Variants in COL12A1 observed in about 807,000 individuals in gnomAD.
COL12A1 encodes collagen alpha-1(XII) chain.
In COL12A1, 114 loss-of-function variants were observed where a neutral mutation model predicts 349.7. That is an observed-to-expected ratio of 0.33 (90% confidence interval 0.28 to 0.38). The LOEUF (loss-of-function observed/expected upper bound fraction) is 0.38, where lower values mean the gene tolerates loss of function less well. Among genes scored for constraint, COL12A1 ranks in the 10% least tolerant of loss-of-function variants. The probability of loss-of-function intolerance (pLI) is 1.00; values close to 1 mark genes in which losing one functional copy is unlikely to be tolerated. For missense variants in COL12A1, 3,284 were observed against 3,756.9 expected (o/e 0.87, Z 3.29); for synonymous variants, 1,369 against 1,329.0 (o/e 1.03, Z -0.66).
chr6:75,188,146 T>G (rs144162260), intron 8 of COL12A1, among the ~76,000 whole-genome samples: 230 of 152,212 alleles, frequency 1.5e-3, no homozygotes, highest in African/African-American at 5.3e-3. Flanking sequence ...TTTTAAGAAC[T>G]GTGCAATGAT....
intron 63 of COL12A1, among the ~76,000 whole-genome samples, chr6:75,089,794 G>C (rs185898117): frequency 4.3e-4 from 65 of 152,270 alleles, no homozygotes; most frequent in African/African-American, 1.5e-3. Flanking sequence ...GTTGCTGCTC[G>C]ACTCTTGCCG....
intron 27 of COL12A1, among the ~76,000 whole-genome samples, chr6:75,139,489 T>A (rs1562204412): frequency 1.3e-5 from 2 of 152,240 alleles, no homozygotes. Flanking sequence ...AGGAAACAGT[T>A]TCATTTTTAT....
chr6:75,154,560 T>C (rs3756789), intron 16 of COL12A1, 23 bp from the exon 17 acceptor site: 6 of 1,583,224 alleles, frequency 3.8e-6, no homozygotes, highest in Admixed American at 1.8e-5. Context: ...AGTATATATA[T>C]AGCCTGTGAG....
chr6:75,137,016 CA>C (rs2149393509), intron 31 of COL12A1, among the ~76,000 whole-genome samples: 1 of 152,160 alleles, frequency 6.6e-6, no homozygotes, highest in South Asian at 2.1e-4. Context: ...ATGCAAAAAA[CA>C]GGGGGAAATG....
Position 75,151,188 on chromosome 6 carries a change from A to G in COL12A1, c.4100T>C (p.Ile1367Thr). 3 of 1,613,398 alleles carry G rather than the reference A, an allele frequency of 1.9e-6. No homozygotes were observed. The highest frequency in any genetic ancestry group is 2.5e-6 in the Non-Finnish European group (3 of 1,179,554). Reference sequence around the variant, plus strand: ...CAAATTAATGGTGAGATCATCCACTATCCTGGAGAGTGACTCAAAATCTGC... The same window carrying G: ...CAAATTAATGGTGAGATCATCCACTGTCCTGGAGAGTGACTCAAAATCTGC... ...NVADFESLSRIVDDLTINLCN... is the reference protein window; with the variant it reads ...NVADFESLSRTVDDLTINLCN... Residue 1367 changes from isoleucine to threonine, a missense_variant, in exon 21 of 66, where the codon ATA (isoleucine) becomes ACA (threonine). Ile to Thr is a moderately conservative substitution (Grantham distance 89). Around this residue, in one of 2 missense-constraint regions of COL12A1, gnomAD observed 2,601 missense variants for 2,824.8 expected, o/e 0.92. Transcript: ENST00000322507.
chr6:75,123,295 T>A, intron 43 of COL12A1, 35 bp downstream of exon 43: 1 of 1,553,556 alleles, frequency 6.4e-7, no homozygotes, highest in Non-Finnish European at 8.9e-7. Context: ...TAACTCCCTA[T>A]CAGCTGAACG....
At chr6:75,122,093 G>A (rs139646401) in intron 43 of COL12A1, among the ~76,000 whole-genome samples, 238 of 152,096 alleles carry the variant, frequency 1.6e-3, no homozygotes, top group Non-Finnish European at 2.6e-3. Context: ...CACCTGTCCC[G>A]GCCTCCCAAA....
intron 21 of COL12A1, among the ~76,000 whole-genome samples, chr6:75,150,471 T>C (rs373129407): frequency 8.5e-5 from 13 of 152,198 alleles, no homozygotes; most frequent in African/African-American, 2.9e-4. Context: ...AAAGAGGTTA[T>C]ATAATTTCTA....
In COL12A1 at chr6:75,085,593, AAT is replaced by A. The variant is rs1767450795; in HGVS notation, c.*952_*953del. On this transcript the variant is annotated 3_prime_UTR_variant, in exon 66 of 66. Coordinates refer to ENST00000322507, the MANE Select transcript of COL12A1 (RefSeq NM_004370.6). ...CCTTCAAAAATCCAGCAGTAAACAC[AAT>A]CATTGCACAAATACTTGGGAAGGGT... The A allele has an allele frequency of 3.1e-6, 1 of 320,498 alleles. No individual in the cohort carries two copies. Among genetic ancestry groups the A allele is most frequent in the Non-Finnish European group, 6.3e-6 (1 of 158,834 alleles). The allele number at this position is 320,498 out of a possible 1,614,324, so 19.9% of individuals were successfully genotyped here. A position where few individuals can be genotyped will look rare whatever the true frequency, so the allele number is the denominator to read the frequency against.
At position 75,189,211 on chromosome 6, in the gene COL12A1, A is replaced by T; in HGVS notation, c.823+6T>A. 1.2e-6 allele frequency: 2 copies of T among 1,612,008 alleles called. No individual in the cohort carries two copies. Among genetic ancestry groups the T allele is most frequent in the Non-Finnish European group, 1.7e-6 (2 of 1,179,036 alleles). On this transcript the variant is annotated splice_donor_region_variant and intron_variant, in intron 7 of 65. Coordinates refer to ENST00000322507, the MANE Select transcript of COL12A1 (RefSeq NM_004370.6). The stretch of plus-strand genomic sequence containing the variant: ...AAATGGAAATAATTAACTGAACTTA[A>T]CCTACCCAAGGAGAAAACTTCAACT...
intron 25 of COL12A1, among the ~76,000 whole-genome samples, 198 bp from the exon 26 acceptor site, chr6:75,143,586 A>G (rs186096620): frequency 1.3e-5 from 2 of 152,200 alleles, no homozygotes; most frequent in East Asian, 3.9e-4. Flanking sequence ...TTTTTCAAAA[A>G]TAGAATATAT....
chr6:75,195,595 T>C (rs1770180745), intron 2 of COL12A1, among the ~76,000 whole-genome samples: 1 of 152,170 alleles, frequency 6.6e-6, no homozygotes, highest in Non-Finnish European at 1.5e-5. Context: ...TATATTCATA[T>C]TCATAGGCAA....
intron 51 of COL12A1, 58 bp from the exon 52 acceptor site, chr6:75,109,225 C>G: frequency 7.9e-7 from 1 of 1,260,028 alleles, no homozygotes; most frequent in Non-Finnish European, 1.1e-6. Context: ...TTAGCTGACT[C>G]TGCATAGTTT....
At chr6:75,114,297 G>T (rs907494530) in intron 49 of COL12A1, among the ~76,000 whole-genome samples, 34 of 151,676 alleles carry the variant, frequency 2.2e-4, no homozygotes, top group African/African-American at 8.2e-4. Flanking sequence ...ATCACCCCCA[G>T]AGCTCATATA....
chr6:75,133,939 A>G lies in COL12A1; in HGVS notation c.5583T>C (p.Asn1861=). The G allele has an allele frequency of 6.2e-7, 1 of 1,614,102 alleles. No individual in the cohort carries two copies. The highest frequency in any genetic ancestry group is 8.5e-7 in the Non-Finnish European group (1 of 1,179,970). Residue 1861 remains asparagine (N), a synonymous_variant, in exon 33 of 66, where the codon AAT becomes AAC. Transcript: ENST00000322507. The stretch of plus-strand genomic sequence containing the variant: ...TTCCCTCTGCATGGTCCCAGCGGAC[A>G]TTCAAGGTGCTGGTAGAAGGGTCAT... ...RVYDPSTSTL[N]VRWDHAEGNP...
At chr6:75,117,150 G>A (rs1299226872) in intron 47 of COL12A1, among the ~76,000 whole-genome samples, 2 of 152,110 alleles carry the variant, frequency 1.3e-5, no homozygotes. Context: ...AGGATATATT[G>A]AAACACTTTA....
At chr6:75,196,610 T>C (rs1258652434) in intron 2 of COL12A1, among the ~76,000 whole-genome samples, 2 of 152,216 alleles carry the variant, frequency 1.3e-5, no homozygotes. Flanking sequence ...TCTTTAATCA[T>C]ATTTTGAGGT....
intron 13 of COL12A1, among the ~76,000 whole-genome samples, chr6:75,167,642 G>A (rs183805319): frequency 2.0e-5 from 3 of 152,168 alleles, no homozygotes; most frequent in Admixed American, 2.0e-4. Context: ...ATAAACACAG[G>A]CTAATGATTT....
chr6:75,181,705 A>C (rs1769302692), intron 10 of COL12A1, among the ~76,000 whole-genome samples: 1 of 152,216 alleles, frequency 6.6e-6, no homozygotes, highest in Non-Finnish European at 1.5e-5. Flanking sequence ...TAAATCATAG[A>C]AAGAGACAAT....
Sources: gnomAD v4.1 joint callset for allele counts (sites outside exome capture counted in the v4.1 genomes callset) on GRCh38, gnomAD v4.1.1 for gene constraint, gnomAD v4.1.1 regional missense constraint, MANE v1.5 for transcripts, NCBI Gene and HGNC (gene_info 2026-07-23, HGNC 2026-07-21) for gene names.